Variants in KDM4C observed in about 807,000 individuals in gnomAD.
KDM4C encodes the protein lysine-specific demethylase 4C.
Under a neutral mutation model 129.3 loss-of-function variants are expected in KDM4C, and 81 were observed. The observed-to-expected ratio is 0.63, with a 90% confidence interval of 0.52 to 0.75. The LOEUF (loss-of-function observed/expected upper bound fraction) is 0.75. Ranked by LOEUF, KDM4C falls within the 30% of genes least tolerant of loss-of-function variation. The pLI, the probability that KDM4C is intolerant of heterozygous loss-of-function variation, is 0.00. For missense variants in KDM4C, 1,457 were observed against 1,304.0 expected (o/e 1.12, Z -1.81); for synonymous variants, 573 against 456.1 (o/e 1.26, Z -3.26).
chr9:6,781,203 C>G (rs1232744015), intron 1 of KDM4C, among the ~76,000 whole-genome samples: 1 of 152,078 alleles, frequency 6.6e-6, no homozygotes, highest in Non-Finnish European at 1.5e-5. Context: ...GGTCTTATTA[C>G]AAGGGCCAAG....
intron 5 of KDM4C, among the ~76,000 whole-genome samples, chr9:6,863,587 G>T (rs1285208203): frequency 6.6e-6 from 1 of 152,008 alleles, no homozygotes; most frequent in East Asian, 1.9e-4. Context: ...ACGAGGTCAG[G>T]AGATCGAGAC....
chr9:7,054,923 A>G (rs953149757), intron 17 of KDM4C, among the ~76,000 whole-genome samples: 9 of 152,206 alleles, frequency 5.9e-5, no homozygotes, highest in South Asian at 2.1e-4. Context: ...ACATCTTTCA[A>G]TGCAGCGGAT....
chr9:7,087,840 A>G (rs1202219172), intron 17 of KDM4C, among the ~76,000 whole-genome samples: 1 of 152,240 alleles, frequency 6.6e-6, no homozygotes, highest in Non-Finnish European at 1.5e-5. Flanking sequence ...TTCTACAATT[A>G]TTTAAACTTA....
chr9:7,053,608 T>G (rs1173606583), intron 17 of KDM4C, among the ~76,000 whole-genome samples: 3 of 152,216 alleles, frequency 2.0e-5, no homozygotes, highest in African/African-American at 7.2e-5. Flanking sequence ...ACATTATATT[T>G]TCTTTTATTT....
chr9:7,124,084 C>T (rs972953006), intron 18 of KDM4C, among the ~76,000 whole-genome samples: 3 of 152,082 alleles, frequency 2.0e-5, no homozygotes, highest in Non-Finnish European at 2.9e-5. Context: ...TCATAGCACC[C>T]CTTTGATTTA....
chr9:7,160,539 T>G (rs1178378215), intron 19 of KDM4C, among the ~76,000 whole-genome samples: 1 of 152,226 alleles, frequency 6.6e-6, no homozygotes, highest in African/African-American at 2.4e-5. Context: ...TTGTCGATGT[T>G]GATGCTATTC....
At chr9:6,812,664 A>G (rs1831375968) in intron 3 of KDM4C, among the ~76,000 whole-genome samples, 1 of 152,160 alleles carries the variant, frequency 6.6e-6, no homozygotes, top group African/African-American at 2.4e-5. Flanking sequence ...CTGACCTCCT[A>G]TGCATCCCTG....
intron 8 of KDM4C, among the ~76,000 whole-genome samples, chr9:6,976,765 T>G (rs1258032929): frequency 1.3e-5 from 2 of 152,208 alleles, no homozygotes; most frequent in African/African-American, 4.8e-5. Context: ...ACTTTTGCTT[T>G]TTAAATTATC....
intron 2 of KDM4C, among the ~76,000 whole-genome samples, chr9:6,798,268 T>C (rs77979372): frequency 1.3e-5 from 2 of 151,710 alleles, no homozygotes; most frequent in Non-Finnish European, 1.5e-5. Context: ...TTTTTTTTTT[T>C]TTATTGATCA....
intron 4 of KDM4C, among the ~76,000 whole-genome samples, chr9:6,827,230 G>T (rs1834037785): frequency 6.6e-6 from 1 of 152,218 alleles, no homozygotes; most frequent in South Asian, 2.1e-4. Flanking sequence ...AAAGCTCTGT[G>T]TTTTTCTCAG....
intron 17 of KDM4C, among the ~76,000 whole-genome samples, chr9:7,075,327 T>G (rs769807980): frequency 5.9e-5 from 9 of 152,302 alleles, no homozygotes; most frequent in Middle Eastern, 3.4e-3. Flanking sequence ...ATCACATGTG[T>G]TTTGTCTCTG....
chr9:7,069,518 CA>C (rs1179205746), intron 17 of KDM4C, among the ~76,000 whole-genome samples: 4 of 151,980 alleles, frequency 2.6e-5, no homozygotes, highest in African/African-American at 4.8e-5. Flanking sequence ...TTTCTAAAAG[CA>C]AAACAAAACA....
At chr9:6,916,264 G>A (rs183275911) in intron 8 of KDM4C, among the ~76,000 whole-genome samples, 3 of 152,198 alleles carry the variant, frequency 2.0e-5, no homozygotes, top group East Asian at 1.9e-4. Flanking sequence ...CTGAGTGATG[G>A]GGAGCCTATG....
At chr9:6,950,924 G>C (rs1828029874) in intron 8 of KDM4C, among the ~76,000 whole-genome samples, 1 of 152,126 alleles carries the variant, frequency 6.6e-6, no homozygotes, top group South Asian at 2.1e-4. Context: ...TCAGATAACA[G>C]AAAATACTTG....
At chr9:6,744,914 C>G (rs1469351540) in intron 1 of KDM4C, among the ~76,000 whole-genome samples, 1 of 152,082 alleles carries the variant, frequency 6.6e-6, no homozygotes, top group Non-Finnish European at 1.5e-5. Context: ...GGCTAATACC[C>G]TGCAGAAACA....
intron 21 of KDM4C, chr9:7,170,274 C>A: frequency 9.3e-7 from 1 of 1,079,524 alleles, no homozygotes; most frequent in Non-Finnish European, 1.1e-6. Context: ...AAAGGGGACT[C>A]GGCATAATTG....
At chr9:6,846,543 A>G (rs192624512) in intron 4 of KDM4C, among the ~76,000 whole-genome samples, 60 of 126,076 alleles carry the variant, frequency 4.8e-4, no homozygotes, top group African/African-American at 1.5e-3. Context: ...TTTTGAAACA[A>G]TAAGATTTAT....
chr9:6,729,122 T>TAAAA (rs1563913049), intron 1 of KDM4C, among the ~76,000 whole-genome samples: 7 of 122,698 alleles, frequency 5.7e-5, no homozygotes, highest in South Asian at 5.7e-4. Flanking sequence ...GAGAATTGCT[T>TAAAA]GAACCCGGGA....
intron 12 of KDM4C, 67 bp from the exon 13 acceptor site, chr9:7,011,631 T>C (rs1298527409): frequency 4.3e-6 from 6 of 1,384,526 alleles, no homozygotes; most frequent in Admixed American, 1.7e-5. Flanking sequence ...TTTATTTCTT[T>C]TGTACTCAGG....
Sources: allele counts gnomAD v4.1 joint callset (sites outside exome capture counted in the v4.1 genomes callset), GRCh38; gene constraint gnomAD v4.1.1; transcripts MANE v1.5; gene names NCBI Gene and HGNC (gene_info 2026-07-23, HGNC 2026-07-21).